Variants in VAPB observed in about 807,000 individuals in gnomAD.
The protein encoded by VAPB is VAMP associated protein B and C.
VAPB carries 7 observed loss-of-function variants against 25.6 expected under a neutral mutation model. The observed-to-expected ratio is 0.27, with a 90% CI of 0.16 to 0.51. The LOEUF (loss-of-function observed/expected upper bound fraction) is 0.51, where lower values mean the gene tolerates loss of function less well. Among genes scored for constraint, VAPB ranks in the 20% least tolerant of loss-of-function variants. The probability of loss-of-function intolerance (pLI) is 0.97; values close to 1 mark genes in which losing one functional copy is unlikely to be tolerated. For synonymous variants in VAPB, 112 were observed against 109.2 expected (o/e 1.03, Z -0.16); for missense variants, 266 against 301.3 (o/e 0.88, Z 0.87).
chr20:58,423,270 G>A (rs1431860377), intron 2 of VAPB, among the ~76,000 whole-genome samples: 1 of 151,376 alleles, frequency 6.6e-6, no homozygotes, highest in Non-Finnish European at 1.5e-5. Context: ...AATTAGCCGG[G>A]CATGCTGGCA....
rs759536312 is a variant in VAPB at position 58,444,151 on chromosome 20, G to A, written c.648G>A (p.Lys216=). The change falls in exon 6 of 6, where the codon AAG becomes AAA. Residue 216 remains lysine (K), a synonymous_variant. Transcript: ENST00000475243. The stretch of plus-strand genomic sequence containing the variant: ...TTTCAGCATTAGCCCCAACTGGGAA[G>A]GAAGAAGGCCTTAGCACCCGGCTCT... ...SPISALAPTG[K]EEGLSTRLLA... The A allele has an allele frequency of 1.2e-6, 2 of 1,614,226 alleles. No individual in the cohort carries two copies. The highest frequency in any genetic ancestry group is 2.2e-5 in the East Asian group (1 of 44,878).
At chr20:58,426,517 G>A (rs1345476795) in intron 2 of VAPB, among the ~76,000 whole-genome samples, 1 of 152,168 alleles carries the variant, frequency 6.6e-6, no homozygotes, top group Non-Finnish European at 1.5e-5. Context: ...CTGGGTGTAA[G>A]GACATAGGGG....
At chr20:58,403,269 T>C (rs1988143794) in intron 1 of VAPB, among the ~76,000 whole-genome samples, 2 of 152,192 alleles carry the variant, frequency 1.3e-5, no homozygotes. Flanking sequence ...TTTACCCCAT[T>C]CCTTTCCCAT....
intron 1 of VAPB, among the ~76,000 whole-genome samples, chr20:58,404,301 C>T (rs1003881693): frequency 2.6e-5 from 4 of 152,198 alleles, no homozygotes; most frequent in African/African-American, 9.7e-5. Context: ...CAGCTTCTTT[C>T]ACCCCTCTCG....
chr20:58,397,467 C>T (rs955287032), intron 1 of VAPB, among the ~76,000 whole-genome samples: 2 of 150,764 alleles, frequency 1.3e-5, no homozygotes, highest in Non-Finnish European at 2.9e-5. Context: ...TGCGGTGAGC[C>T]GAGATCCCGC....
chr20:58,414,273 C>T (rs1468110835), intron 1 of VAPB, among the ~76,000 whole-genome samples: 69 of 145,270 alleles, frequency 4.7e-4, no homozygotes, highest in Non-Finnish European at 2.3e-4. Flanking sequence ...GGGCGTGGGG[C>T]TGACCCCCCC....
chr20:58,414,328 C>A (rs1390592303), intron 1 of VAPB, among the ~76,000 whole-genome samples: 4 of 148,020 alleles, frequency 2.7e-5, no homozygotes, highest in Non-Finnish European at 6.0e-5. Context: ...GGGGCTGACC[C>A]CCCCCACCTC....
chr20:58,440,664 C>T, intron 4 of VAPB: 2 of 415,480 alleles, frequency 4.8e-6, no homozygotes, highest in Non-Finnish European at 9.0e-6. Context: ...TTTTCTCTTT[C>T]TTTGAAGTAT....
In VAPB at chr20:58,448,360, G is replaced by A. The variant is rs1424536871; in HGVS notation, c.*4125G>A. ...TGGCCCCTTTTCCTCAGACAGATCTGCTCTGATAGGAACCTTTTCAAGAAA... is the reference window on the plus strand; with the variant it reads ...TGGCCCCTTTTCCTCAGACAGATCTACTCTGATAGGAACCTTTTCAAGAAA... On this transcript the variant is annotated 3_prime_UTR_variant, in exon 6 of 6. Coordinates refer to ENST00000475243, the MANE Select transcript of VAPB (RefSeq NM_004738.5). The A allele has an allele frequency of 4.4e-6, 2 of 454,046 alleles. No homozygotes were observed. Among genetic ancestry groups the A allele is most frequent in the Non-Finnish European group, 8.8e-6 (2 of 226,786 alleles). The allele number at this position is 454,046 out of a possible 1,614,324, so 28.1% of individuals were successfully genotyped here. A position where few individuals can be genotyped will look rare whatever the true frequency, so the allele number is the denominator to read the frequency against.
intron 3 of VAPB, among the ~76,000 whole-genome samples, chr20:58,434,970 G>T (rs1220439080): frequency 6.6e-6 from 1 of 152,102 alleles, no homozygotes; most frequent in Non-Finnish European, 1.5e-5. Context: ...CCTTGCACTG[G>T]TGGATGGTGT....
chr20:58,421,309 G>A (rs1181940624), intron 2 of VAPB, among the ~76,000 whole-genome samples: 1 of 152,194 alleles, frequency 6.6e-6, no homozygotes, highest in African/African-American at 2.4e-5. Context: ...TCTTCCACTA[G>A]CTTTGACAAA....
chr20:58,414,633 C>T (rs1180374863), intron 1 of VAPB, among the ~76,000 whole-genome samples: 2 of 151,362 alleles, frequency 1.3e-5, no homozygotes, highest in African/African-American at 2.4e-5. Context: ...GATGGGCGGC[C>T]GGGCAGAGAC....
chr20:58,435,678 T>G (rs920312790), intron 3 of VAPB, among the ~76,000 whole-genome samples: 2 of 152,256 alleles, frequency 1.3e-5, no homozygotes, highest in Non-Finnish European at 2.9e-5. Context: ...GCATCTCCGC[T>G]GATGTTTCAC....
chr20:58,430,194 T>C (rs1044550615), intron 2 of VAPB, among the ~76,000 whole-genome samples: 1 of 151,922 alleles, frequency 6.6e-6, no homozygotes, highest in Non-Finnish European at 1.5e-5. Context: ...AAAAGTAACT[T>C]TTCAAAAAAA....
At position 58,440,915 on chromosome 20, in the gene VAPB, A is replaced by G; in HGVS notation, c.405A>G (p.Val135=). 1 of 1,613,484 alleles carries G rather than the reference A, an allele frequency of 6.2e-7. No homozygotes were observed. Among genetic ancestry groups the G allele is most frequent in the Non-Finnish European group, 8.5e-7 (1 of 1,179,674 alleles). Reference sequence around the variant, plus strand: ...CATTTGTTTTTGAACAGCATGATGTAGAAATAAATAAAATTATATCCACAA... The same window carrying G: ...CATTTGTTTTTGAACAGCATGATGTGGAAATAAATAAAATTATATCCACAA... ...LPAENDKPHD[V]EINKIISTTA... is the part of the protein sequence containing the mutation. Residue 135 remains valine, a synonymous_variant, in exon 5 of 6, where the codon GTA becomes GTG. Coordinates refer to ENST00000475243, the MANE Select transcript of VAPB (RefSeq NM_004738.5).
intron 1 of VAPB, among the ~76,000 whole-genome samples, chr20:58,394,496 T>A (rs1473027961): frequency 5.3e-5 from 8 of 152,264 alleles, no homozygotes; most frequent in African/African-American, 1.9e-4. Flanking sequence ...GTCAGCCATG[T>A]GCTGAAGATT....
intron 3 of VAPB, among the ~76,000 whole-genome samples, chr20:58,437,580 G>A (rs574629207): frequency 3.7e-4 from 57 of 152,264 alleles, no homozygotes; most frequent in South Asian, 1.5e-3. Flanking sequence ...TATCCTGCTC[G>A]CCAGCAGTCT....
Position 58,424,491 on chromosome 20 carries a change from C to T in VAPB, c.211+6128C>T, listed in dbSNP as rs564477535. ...TGTTCTCCATGTTTTAGGTGATCAG[C>T]CCCAAGAGACACAGCTTGCAGGTTT... On this transcript the variant is annotated intron_variant, in intron 2 of 5. Transcript: ENST00000475243. Among the ~76,000 whole-genome samples the T allele has an allele frequency of 3.9e-5, 6 of 152,010 alleles. No homozygotes were observed. In the South Asian group the frequency reaches 1.2e-3, roughly 32 times the overall value.
At chr20:58,423,267 C>T (rs970268249) in intron 2 of VAPB, among the ~76,000 whole-genome samples, 9 of 151,524 alleles carry the variant, frequency 5.9e-5, no homozygotes, top group Admixed American at 2.0e-4. Context: ...CAAAATTAGC[C>T]GGGCATGCTG....
Sources: gnomAD v4.1 joint callset for allele counts (sites outside exome capture counted in the v4.1 genomes callset) on GRCh38, gnomAD v4.1.1 for gene constraint, MANE v1.5 for transcripts, NCBI Gene and HGNC (gene_info 2026-07-23, HGNC 2026-07-21) for gene names.